Variants in RBFOX3 observed in about 807,000 individuals in gnomAD.
RBFOX3 encodes RNA binding fox-1 homolog 3, also known as RNA binding protein fox-1 homolog 3.
RBFOX3 carries 17 observed loss-of-function variants against 48.7 expected under a neutral mutation model. That is an observed-to-expected ratio of 0.35 (90% CI 0.24 to 0.52). The LOEUF (loss-of-function observed/expected upper bound fraction) is 0.52. Among genes scored for constraint, RBFOX3 ranks in the 20% least tolerant of loss-of-function variants. The pLI is 0.94. For synonymous variants in RBFOX3, 212 were observed against 209.5 expected (o/e 1.01, Z -0.10); for missense variants, 382 against 497.5 (o/e 0.77, Z 2.21).
intron 2 of RBFOX3, among the ~76,000 whole-genome samples, chr17:79,388,816 C>T (rs999062904): frequency 6.6e-6 from 1 of 152,224 alleles, no homozygotes; most frequent in Non-Finnish European, 1.5e-5. Context: ...AGGTGGCCAC[C>T]ACAGCCCCAC....
At chr17:79,412,506 G>T (rs556023164) in intron 2 of RBFOX3, among the ~76,000 whole-genome samples, 11 of 151,762 alleles carry the variant, frequency 7.2e-5, no homozygotes, top group Non-Finnish European at 1.5e-4. Flanking sequence ...TGAGGGTATG[G>T]TGTGTATGAA....
chr17:79,170,140 G>GGAAGGAAGGGAGGA (rs761172496), intron 4 of RBFOX3, among the ~76,000 whole-genome samples: 25 of 123,254 alleles, frequency 2.0e-4, no homozygotes, highest in Middle Eastern at 3.7e-3. Flanking sequence ...GGAGGAAGGA[G>GGAAGGAAGGGAGGA]GGAAGGAAGG....
At chr17:79,341,013 T>C (rs1265152969) in intron 2 of RBFOX3, among the ~76,000 whole-genome samples, 2 of 152,252 alleles carry the variant, frequency 1.3e-5, no homozygotes, top group East Asian at 1.9e-4. Flanking sequence ...ACAAACATAA[T>C]GACAGCCTCT....
At chr17:79,295,170 C>T (rs2074124460) in intron 3 of RBFOX3, among the ~76,000 whole-genome samples, 1 of 152,174 alleles carries the variant, frequency 6.6e-6, no homozygotes, top group Non-Finnish European at 1.5e-5. Context: ...GACCTGGCAC[C>T]AGTGGTTGGG....
At chr17:79,580,594 G>A (rs1777636838) in intron 1 of RBFOX3, among the ~76,000 whole-genome samples, 1 of 152,088 alleles carries the variant, frequency 6.6e-6, no homozygotes, top group Non-Finnish European at 1.5e-5. Context: ...AGGAGGTTCC[G>A]CTGCAGTAAC....
At chr17:79,349,869 G>C (rs538846839) in intron 2 of RBFOX3, among the ~76,000 whole-genome samples, 1 of 151,522 alleles carries the variant, frequency 6.6e-6, no homozygotes, top group African/African-American at 2.4e-5. Context: ...TGAGCCCCCC[G>C]GGGCAGGCAC....
At chr17:79,599,630 A>T (rs1484365872) in intron 1 of RBFOX3, 2 of 152,190 alleles carry the variant, frequency 1.3e-5, no homozygotes, top group African/African-American at 2.4e-5. Context: ...GTGCCGGGAG[A>T]GCTGAGGAGT....
intron 1 of RBFOX3, among the ~76,000 whole-genome samples, chr17:79,571,413 C>T (rs1396875548): frequency 6.6e-6 from 1 of 152,078 alleles, no homozygotes; most frequent in African/African-American, 2.4e-5. Context: ...CCTATGCCTG[C>T]GGGTGCCATA....
At chr17:79,160,995 A>C (rs936760217) in intron 4 of RBFOX3, among the ~76,000 whole-genome samples, 6 of 152,160 alleles carry the variant, frequency 3.9e-5, no homozygotes, top group Admixed American at 1.3e-4. Context: ...AAAAAAAAAA[A>C]AACAAAAAAG....
At chr17:79,506,368 C>T (rs1187808557) in intron 1 of RBFOX3, among the ~76,000 whole-genome samples, 2 of 152,316 alleles carry the variant, frequency 1.3e-5, no homozygotes, top group South Asian at 2.1e-4. Context: ...TTGGCTCCCA[C>T]GATCACTGCA....
intron 4 of RBFOX3, among the ~76,000 whole-genome samples, chr17:79,131,367 A>G (rs2038865981): frequency 1.3e-5 from 2 of 152,188 alleles, no homozygotes; most frequent in Non-Finnish European, 2.9e-5. Context: ...GGACAGGAAA[A>G]CAAGCCCCTC....
the RBFOX3 span, among the ~76,000 whole-genome samples, chr17:79,662,386 T>C: frequency 6.6e-6 from 1 of 151,962 alleles, no homozygotes. Flanking sequence ...CCTCCCAAAG[T>C]GCTGGGATTA....
chr17:79,097,901 AAGTGCTGAGTTCAAAAC>A (rs1487253457), intron 9 of RBFOX3, 156 bp from the exon 10 acceptor site: 1 of 711,012 alleles, frequency 1.4e-6, no homozygotes, highest in Middle Eastern at 2.4e-4. Flanking sequence ...CTGCCCGGAC[AAGTGCTGAGTTCAAAAC>A]ACCAGGGTCT....
chr17:79,152,399 T>C (rs961584260), intron 4 of RBFOX3, among the ~76,000 whole-genome samples: 1 of 151,614 alleles, frequency 6.6e-6, no homozygotes, highest in Non-Finnish European at 1.5e-5. Flanking sequence ...CAGAGAGTCA[T>C]AGGAGCAGTG....
intron 1 of RBFOX3, among the ~76,000 whole-genome samples, chr17:79,544,578 C>A (rs1665734608): frequency 6.6e-6 from 1 of 151,978 alleles, no homozygotes; most frequent in Admixed American, 6.6e-5. Context: ...ACCCTCCATA[C>A]CTCCCTGCCC....
At chr17:79,208,765 G>A (rs1431889873) in intron 4 of RBFOX3, among the ~76,000 whole-genome samples, 1 of 152,042 alleles carries the variant, frequency 6.6e-6, no homozygotes, top group East Asian at 1.9e-4. Context: ...CTGCCTTAAG[G>A]GGCCCCACAG....
chr17:79,378,887 G>A (rs552868679), intron 2 of RBFOX3, among the ~76,000 whole-genome samples: 1 of 152,330 alleles, frequency 6.6e-6, no homozygotes, highest in Admixed American at 6.5e-5. Context: ...ACAGGGGTGG[G>A]GAGTCTGGTC....
intron 1 of RBFOX3, among the ~76,000 whole-genome samples, chr17:79,592,432 C>A (rs988216489): frequency 3.3e-5 from 5 of 150,264 alleles, no homozygotes. Flanking sequence ...ATGTGTGGTG[C>A]GTGCATATGT....
In RBFOX3 at chr17:79,535,710, G is replaced by A. The variant is rs1348663885; in HGVS notation, c.-319-53112C>T. On this transcript the variant is annotated intron_variant, in intron 1 of 14. Transcript: ENST00000693108. This position sits in a 1 kb window ranked among gnomAD's most constrained non-coding sequence, Gnocchi z 4.5. ...TGCCTGTGTTGGGGACAGTCAATCG[G>A]ACATAGGAATAACGTGTCCTCTGCA... is the stretch of plus-strand genomic sequence containing the variant. Among the ~76,000 whole-genome samples the A allele has an allele frequency of 6.6e-6, 1 of 152,206 alleles. No individual in the cohort carries two copies. The highest frequency in any genetic ancestry group is 1.5e-5 in the Non-Finnish European group (1 of 68,042).
Sources: gnomAD v4.1 joint callset for allele counts (sites outside exome capture counted in the v4.1 genomes callset) on GRCh38, gnomAD v4.1.1 for gene constraint, Gnocchi (gnomAD v3.1) non-coding constraint, MANE v1.5 for transcripts, NCBI Gene and HGNC (gene_info 2026-07-23, HGNC 2026-07-21) for gene names.